Variants in TMEM272 observed in about 807,000 individuals in gnomAD.
TMEM272 encodes transmembrane protein 272.
In TMEM272, 8 loss-of-function variants were observed where a neutral mutation model predicts 3.7. The observed-to-expected ratio is 2.17, with a 90% CI of 1.27 to 3.91. TMEM272 has a LOEUF of 3.91. Ranked by LOEUF, TMEM272 falls within the 30% of genes most tolerant of loss-of-function variation. TMEM272 has a pLI of 0.00. For synonymous variants in TMEM272, 63 were observed against 39.8 expected (o/e 1.58, Z -2.20); for missense variants, 166 against 91.5 (o/e 1.81, Z -3.32).
chr13:51,867,797 T>C, the TMEM272 span, among the ~76,000 whole-genome samples: 6 of 152,094 alleles, frequency 3.9e-5, no homozygotes, highest in Non-Finnish European at 8.8e-5. Context: ...GGGAATAGGA[T>C]GCAGGGTGGA....
the TMEM272 span, among the ~76,000 whole-genome samples, chr13:51,875,330 T>C: frequency 1.3e-5 from 2 of 152,214 alleles, no homozygotes; most frequent in African/African-American, 4.8e-5. Flanking sequence ...TCATTTTTTT[T>C]TTCAACCAAG....
chr13:51,822,788 C>T (rs1257264783), intron 3 of TMEM272, among the ~76,000 whole-genome samples: 1 of 152,252 alleles, frequency 6.6e-6, no homozygotes, highest in Admixed American at 6.5e-5. Flanking sequence ...ACCCAGTCTA[C>T]CCTTTCTTAA....
rs1956037016 is a variant in TMEM272 at position 51,817,043 on chromosome 13, T to C, written c.272A>G (p.Asp91Gly). Reference protein sequence around the residue: ...LLSKAVVIDDDDDDEYPWRQN... With the variant: ...LLSKAVVIDDGDDDEYPWRQN... ...CCTCCAGGGGTATTCGTCATCGTCATCGTCATCAATCACCACGGCCTTGGA... is the reference window on the plus strand; with the variant it reads ...CCTCCAGGGGTATTCGTCATCGTCACCGTCATCAATCACCACGGCCTTGGA... Residue 91 changes from aspartate (D) to glycine (G), a missense_variant, in exon 5 of 5, where the codon GAT becomes GGT. By Grantham distance (94) the Asp-to-Gly change is moderately conservative. Transcript: ENST00000629372. The C allele has an allele frequency of 1.1e-5, 8 of 702,882 alleles. No homozygotes were observed. The highest frequency in any genetic ancestry group is 3.5e-5 in the African/African-American group (2 of 57,238). 43.5% of individuals were successfully genotyped at this position (702,882 alleles called of 1,614,324 possible).
At chr13:51,922,870 T>C in the TMEM272 span, among the ~76,000 whole-genome samples, 44 of 152,338 alleles carry the variant, frequency 2.9e-4, 1 homozygote, top group African/African-American at 9.9e-4. Flanking sequence ...ATCTCCTCTC[T>C]GATCCTCCTA....
At chr13:51,839,990 C>T (rs903387484) in intron 1 of TMEM272, among the ~76,000 whole-genome samples, 3 of 152,180 alleles carry the variant, frequency 2.0e-5, no homozygotes, top group Non-Finnish European at 2.9e-5. Context: ...AGTCCCCAAC[C>T]AGAGGCATAT....
chr13:51,860,572 G>A, the TMEM272 span, among the ~76,000 whole-genome samples: 2 of 146,024 alleles, frequency 1.4e-5, no homozygotes. Flanking sequence ...CCAGGAAATT[G>A]AGGCTGCAGT....
chr13:51,817,193 GT>G (rs1394980007), intron 4 of TMEM272, 80 bp from the exon 5 acceptor site: 2 of 638,380 alleles, frequency 3.1e-6, no homozygotes, highest in Non-Finnish European at 5.7e-6. Flanking sequence ...GGTAGCGGTG[GT>G]GGGGTGTTGG....
the TMEM272 span, among the ~76,000 whole-genome samples, chr13:51,887,166 T>G: frequency 6.6e-6 from 1 of 152,210 alleles, no homozygotes; most frequent in South Asian, 2.1e-4. Context: ...TAGCTTTGCT[T>G]GGTGTAAAGG....
chr13:51,917,585 C>CT, the TMEM272 span, among the ~76,000 whole-genome samples: 1 of 152,156 alleles, frequency 6.6e-6, no homozygotes, highest in African/African-American at 2.4e-5. Context: ...AGGACAGGTG[C>CT]TACCAGCGAG....
At chr13:51,869,699 A>G in the TMEM272 span, among the ~76,000 whole-genome samples, 2 of 152,076 alleles carry the variant, frequency 1.3e-5, no homozygotes, top group Admixed American at 6.6e-5. Context: ...CATGTTGTCC[A>G]GGCTGGTCTC....
intron 2 of TMEM272, among the ~76,000 whole-genome samples, chr13:51,837,746 A>C (rs1326341813): frequency 6.6e-6 from 1 of 152,212 alleles, no homozygotes; most frequent in East Asian, 1.9e-4. Context: ...GGACATGGTA[A>C]GTACAGGTAA....
the TMEM272 span, among the ~76,000 whole-genome samples, chr13:51,922,974 G>A: frequency 3.3e-5 from 5 of 152,188 alleles, no homozygotes; most frequent in Admixed American, 3.3e-4. Context: ...ACATGTGCAG[G>A]GCTCCTTTTG....
At chr13:51,839,051 A>G (rs961109392) in intron 1 of TMEM272, among the ~76,000 whole-genome samples, 3 of 152,038 alleles carry the variant, frequency 2.0e-5, no homozygotes, top group Non-Finnish European at 2.9e-5. Flanking sequence ...CCAGGTACAG[A>G]GCAAGGGCGC....
chr13:51,897,864 T>C, the TMEM272 span, among the ~76,000 whole-genome samples: 217 of 133,692 alleles, frequency 1.6e-3, 2 homozygotes, highest in Non-Finnish European at 2.9e-3. Context: ...GAGGCGGAGG[T>C]TGCAGTGAGC....
At chr13:51,865,843 C>T in the TMEM272 span, 2 of 1,613,894 alleles carry the variant, frequency 1.2e-6, no homozygotes, top group Non-Finnish European at 1.7e-6. Flanking sequence ...AGGACAAGGC[C>T]CTGTGGGAGG....
intron 1 of TMEM272, among the ~76,000 whole-genome samples, chr13:51,840,253 A>C (rs1172916252): frequency 6.6e-6 from 1 of 152,030 alleles, no homozygotes; most frequent in African/African-American, 2.4e-5. Flanking sequence ...TGGAAAGGAG[A>C]GGCTTCCCAA....
chr13:51,848,881 T>C (rs1239811121), upstream of TMEM272, among the ~76,000 whole-genome samples: 1 of 152,184 alleles, frequency 6.6e-6, no homozygotes, highest in Non-Finnish European at 1.5e-5. Context: ...ATTAGTTCTA[T>C]GTAAACATCC....
chr13:51,863,503 G>C, the TMEM272 span, among the ~76,000 whole-genome samples: 2 of 152,120 alleles, frequency 1.3e-5, no homozygotes, highest in African/African-American at 4.8e-5. Context: ...GAAATGTTAA[G>C]GATCTGGATC....
chr13:51,929,589 G>C, the TMEM272 span, among the ~76,000 whole-genome samples: 1 of 152,222 alleles, frequency 6.6e-6, no homozygotes, highest in African/African-American at 2.4e-5. Context: ...AGGGGACCAA[G>C]GGATGCTGAG....
Sources: gnomAD v4.1 joint callset for allele counts (sites outside exome capture counted in the v4.1 genomes callset) on GRCh38, gnomAD v4.1.1 for gene constraint, MANE v1.5 for transcripts, NCBI Gene and HGNC (gene_info 2026-07-23, HGNC 2026-07-21) for gene names.